The following PTPRN variants were observed in gnomAD, a reference collection of about 807,000 sequenced individuals.
PTPRN encodes receptor-type tyrosine-protein phosphatase-like N.
A neutral mutation model predicts 108.5 loss-of-function variants in PTPRN; 70 were observed. That is an observed-to-expected ratio of 0.65 (90% CI 0.53 to 0.79). PTPRN has a LOEUF of 0.79. Ranked by LOEUF, PTPRN falls within the 30% of genes least tolerant of loss-of-function variation. PTPRN has a pLI of 0.00. For missense variants in PTPRN, 1,136 were observed against 1,295.5 expected (o/e 0.88, Z 1.89); for synonymous variants, 496 against 524.6 (o/e 0.95, Z 0.75).
At chr2:219,308,073 C>T in intron 1 of PTPRN, 1 of 545,794 alleles carries the variant, frequency 1.8e-6, no homozygotes, top group Non-Finnish European at 3.2e-6. Flanking sequence ...CCTCTGTTTG[C>T]TTAACTGAGT....
In PTPRN at chr2:219,300,272, G is replaced by C; in HGVS notation, c.1162-13C>G. ...GCCCCTCCATTGTCTGTTCAGAAGA[G>C]GGTGGAGGTGTGGCCTCTGGACAGT... On this transcript the variant is annotated splice_polypyrimidine_tract_variant and intron_variant, in intron 8 of 22. Transcript: ENST00000295718. The C allele has an allele frequency of 1.3e-6, 2 of 1,544,524 alleles. No individual in the cohort carries two copies. The highest frequency in any genetic ancestry group is 1.7e-6 in the Non-Finnish European group (2 of 1,144,840).
intron 19 of PTPRN, chr2:219,291,900 G>T: frequency 3.3e-6 from 1 of 300,002 alleles, no homozygotes; most frequent in Non-Finnish European, 6.3e-6. Context: ...CACAATAGGT[G>T]CTCAATACAT....
chr2:219,290,044 A>T lies in PTPRN; in HGVS notation c.*182T>A. On this transcript the variant is annotated 3_prime_UTR_variant, in exon 23 of 23. Coordinates refer to ENST00000295718, the MANE Select transcript of PTPRN (RefSeq NM_002846.4). The surrounding 1 kb of genome is among the most constrained non-coding windows in gnomAD (Gnocchi z 4.2). ...GATGCCCTGGGCTCTGGGATGCCCC[A>T]GGCTCTGGCATGCGAGGCTGGGCAG... The T allele has an allele frequency of 1.6e-6, 1 of 621,196 alleles. No homozygotes were observed. The highest frequency in any genetic ancestry group is 2.9e-6 in the Non-Finnish European group (1 of 345,396). 38.5% of individuals were successfully genotyped at this position (621,196 alleles called of 1,614,324 possible).
In PTPRN at chr2:219,297,267, G is replaced by C; in HGVS notation, c.2054C>G (p.Ala685Gly). The C allele has an allele frequency of 6.2e-7, 1 of 1,614,094 alleles. No homozygotes were observed. Among genetic ancestry groups the C allele is most frequent in the Non-Finnish European group, 8.5e-7 (1 of 1,180,024 alleles). Residue 685 changes from alanine to glycine, a missense_variant, in exon 14 of 23, where the codon GCC becomes GGC. Transcript: ENST00000295718. The surrounding 1 kb of genome is among the most constrained non-coding windows in gnomAD (Gnocchi z 6.0). ...GTGTCCCGTGGAGATGTCCATGTTG[G>C]CTTGGGCCGGCTCCTCGCACCAGGA... is the stretch of plus-strand genomic sequence containing the variant. ...TPSWCEEPAQ[A>G]NMDISTGHMI...
At chr2:219,305,476 C>T (rs1217336814) in intron 3 of PTPRN, among the ~76,000 whole-genome samples, 1 of 152,036 alleles carries the variant, frequency 6.6e-6, no homozygotes, top group African/African-American at 2.4e-5. Context: ...CTCCTGAGCT[C>T]GTGACCTGCC....
chr2:219,308,229 C>G, intron 1 of PTPRN: 1 of 215,238 alleles, frequency 4.6e-6, no homozygotes, highest in East Asian at 1.5e-4. Flanking sequence ...GAGGTTCTAG[C>G]ACACTTCCCC....
intron 3 of PTPRN, 154 bp from the exon 4 acceptor site, chr2:219,303,985 TCCCA>T: frequency 1.9e-6 from 1 of 532,492 alleles, no homozygotes. Flanking sequence ...GCTGTCTTCT[TCCCA>T]CCCTCAGGTA....
chr2:219,305,391 C>T (rs144349918), intron 3 of PTPRN, among the ~76,000 whole-genome samples: 4,981 of 152,004 alleles, frequency 0.033, 273 homozygotes, highest in African/African-American at 0.11. Context: ...TACAGGTGCT[C>T]GCCACCATGC....
chr2:219,300,607 C>T, intron 8 of PTPRN, among the ~76,000 whole-genome samples: 1 of 152,146 alleles, frequency 6.6e-6, no homozygotes, highest in Non-Finnish European at 1.5e-5. Context: ...AAATCCAACA[C>T]ATGAAACAGA....
At chr2:219,302,015 C>T (rs1314241196) in intron 6 of PTPRN, 122 bp downstream of exon 6, 46 of 986,614 alleles carry the variant, frequency 4.7e-5, no homozygotes, top group Non-Finnish European at 6.1e-5. Context: ...AGTAGACATT[C>T]CTTAAATGTA....
chr2:219,289,825 A>G lies in PTPRN; in HGVS notation c.*401T>C, dbSNP rs1952013514. ...AGGCCCGGGGCTGAGAAGCAGGGGG[A>G]GCCGGGTGTGGCGACCCTCCACCCC... On this transcript the variant is annotated 3_prime_UTR_variant, in exon 23 of 23. Transcript: ENST00000295718. The G allele has an allele frequency of 1.1e-5, 2 of 177,212 alleles. No individual in the cohort carries two copies. The highest frequency in any genetic ancestry group is 2.4e-5 in the Non-Finnish European group (2 of 83,308). 11.0% of individuals were successfully genotyped at this position (177,212 alleles called of 1,614,324 possible). A position where few individuals can be genotyped will look rare whatever the true frequency, so the allele number is the denominator to read the frequency against.
chr2:219,302,499 A>C lies in PTPRN; in HGVS notation c.640-8T>G. 11 of 1,613,890 alleles carry C rather than the reference A, an allele frequency of 6.8e-6. No homozygotes were observed. The highest frequency in any genetic ancestry group is 9.3e-6 in the Non-Finnish European group (11 of 1,179,898). ...GCCATCACGGGAGCCAAACTGTGGA[A>C]AACCAGAGATCTGGGTAAGAGCAGA... On this transcript the variant is annotated splice_region_variant and splice_polypyrimidine_tract_variant and intron_variant, in intron 5 of 22. Coordinates refer to ENST00000295718, the MANE Select transcript of PTPRN (RefSeq NM_002846.4).
Position 219,300,001 on chromosome 2 carries a change from T to C in PTPRN, c.1420A>G (p.Ile474Val), listed in dbSNP as rs757558910. 3.1e-6 allele frequency: 5 copies of C among 1,614,120 alleles called. No homozygotes were observed. The highest frequency in any genetic ancestry group is 2.2e-5 in the South Asian group (2 of 91,090). ...ARPAAEEYGY[I>V]VTDQKPLSLA... ...AGCCCTTACTTCTGATCAGTGACGA[T>C]GTAGCCATATTCCTCTGCTGCTGGG... Residue 474 changes from isoleucine to valine, a missense_variant, in exon 9 of 23, where the codon ATC becomes GTC. Ile to Val is a conservative substitution (Grantham distance 29, BLOSUM62 3). Coordinates refer to ENST00000295718, the MANE Select transcript of PTPRN (RefSeq NM_002846.4).
chr2:219,305,688 C>G (rs1952466537), intron 3 of PTPRN, among the ~76,000 whole-genome samples: 1 of 152,196 alleles, frequency 6.6e-6, no homozygotes, highest in African/African-American at 2.4e-5. Flanking sequence ...GGTGAGAACT[C>G]TGTCTCTCAG....
At chr2:219,308,119 A>T (rs1232420818) in intron 1 of PTPRN, 1 of 445,748 alleles carries the variant, frequency 2.2e-6, no homozygotes, top group Non-Finnish European at 4.0e-6. Flanking sequence ...AGGGAGAGAG[A>T]TTCATAGAAT....
At chr2:219,298,160 G>C in intron 12 of PTPRN, 57 bp from the exon 13 acceptor site, 1 of 1,544,498 alleles carries the variant, frequency 6.5e-7, no homozygotes, top group Non-Finnish European at 8.8e-7. Flanking sequence ...TTTCAGAGCT[G>C]CTCCTCACCC....
At chr2:219,299,561 G>C in intron 10 of PTPRN, 139 bp downstream of exon 10, 7 of 1,159,794 alleles carry the variant, frequency 6.0e-6, no homozygotes, top group Non-Finnish European at 8.8e-6. Context: ...GCTGGGTGTG[G>C]CTGTACCTTC....
chr2:219,289,914 G>T lies in PTPRN; in HGVS notation c.*312C>A. 1 of 354,358 alleles carries T rather than the reference G, an allele frequency of 2.8e-6. No individual in the cohort carries two copies. 22.0% of individuals were successfully genotyped at this position (354,358 alleles called of 1,614,324 possible). On this transcript the variant is annotated 3_prime_UTR_variant, in exon 23 of 23. Transcript: ENST00000295718. ...GTTCAGGGAACTCCCAGAACCCCAGGAGAGCTACAGGAGAGCCAGGCCAGG... is the reference window on the plus strand; with the variant it reads ...GTTCAGGGAACTCCCAGAACCCCAGTAGAGCTACAGGAGAGCCAGGCCAGG...
At chr2:219,293,703 A>G (rs1273242524) in intron 19 of PTPRN, among the ~76,000 whole-genome samples, 1 of 152,188 alleles carries the variant, frequency 6.6e-6, no homozygotes, top group Non-Finnish European at 1.5e-5. Context: ...CAGGGACCCC[A>G]GTTAGAAACT....
Sources: gnomAD v4.1 joint callset for allele counts (sites outside exome capture counted in the v4.1 genomes callset) on GRCh38, gnomAD v4.1.1 for gene constraint, Gnocchi (gnomAD v3.1) non-coding constraint, MANE v1.5 for transcripts, NCBI Gene and HGNC (gene_info 2026-07-23, HGNC 2026-07-21) for gene names.